The following DPP10 variants were observed in gnomAD, a reference collection of about 807,000 sequenced individuals.
DPP10 encodes dipeptidyl peptidase like 10, also known as inactive dipeptidyl peptidase 10.
Under a neutral mutation model 120.9 loss-of-function variants are expected in DPP10, and 33 were observed. That is an observed-to-expected ratio of 0.27 (90% CI 0.21 to 0.37). The LOEUF (loss-of-function observed/expected upper bound fraction) is 0.37. Among genes scored for constraint, DPP10 ranks in the 10% least tolerant of loss-of-function variants. The pLI is 1.00. For missense variants in DPP10, 816 were observed against 942.8 expected, an observed-to-expected ratio of 0.87 and a Z score of 1.76; for synonymous variants, 337 against 326.1, an observed-to-expected ratio of 1.03 and a Z score of -0.36.
At chr2:114,971,722 T>C (rs146937930) in intron 1 of DPP10, among the ~76,000 whole-genome samples, 1 of 83,980 alleles carries the variant, frequency 1.2e-5, no homozygotes, top group Admixed American at 1.1e-4. Context: ...AACCAAAATA[T>C]GAGATTAATT....
chr2:114,778,302 T>G (rs1471522597), intron 1 of DPP10, among the ~76,000 whole-genome samples: 1 of 152,154 alleles, frequency 6.6e-6, no homozygotes, highest in Non-Finnish European at 1.5e-5. Context: ...TTTGGCTTAT[T>G]AAAACTCAAG....
chr2:115,616,128 G>A (rs921809762), intron 5 of DPP10, among the ~76,000 whole-genome samples: 1 of 151,914 alleles, frequency 6.6e-6, no homozygotes, highest in African/African-American at 2.4e-5. Context: ...ATTTTATTTC[G>A]GCTATGCCAG....
intron 1 of DPP10, among the ~76,000 whole-genome samples, chr2:114,912,799 A>C (rs992426841): frequency 6.6e-6 from 1 of 152,186 alleles, no homozygotes; most frequent in African/African-American, 2.4e-5. Context: ...AGCAGACTAC[A>C]TGATTCTCAT....
chr2:114,721,129 A>G (rs1423362505), intron 1 of DPP10, among the ~76,000 whole-genome samples: 1 of 152,184 alleles, frequency 6.6e-6, no homozygotes, highest in African/African-American at 2.4e-5. Context: ...GCTTTTCCCT[A>G]TGCTCTGACT....
chr2:114,753,810 G>A (rs2106058848), intron 1 of DPP10, among the ~76,000 whole-genome samples: 1 of 150,114 alleles, frequency 6.7e-6, no homozygotes, highest in Middle Eastern at 3.4e-3. Context: ...TTCAGAGGCT[G>A]AGGCAGGAGA....
intron 3 of DPP10, among the ~76,000 whole-genome samples, chr2:115,451,574 T>A (rs902241121): frequency 6.6e-6 from 1 of 151,920 alleles, no homozygotes; most frequent in Non-Finnish European, 1.5e-5. Flanking sequence ...AGTCACTTAA[T>A]TAAAAGTGTT....
chr2:114,954,379 G>T (rs150545231), intron 1 of DPP10, among the ~76,000 whole-genome samples: 14 of 152,032 alleles, frequency 9.2e-5, no homozygotes, highest in Middle Eastern at 3.4e-3. Context: ...CACAGCGCCC[G>T]GCCAAGAAGG....
intron 1 of DPP10, among the ~76,000 whole-genome samples, chr2:115,243,733 ACTTTT>A (rs1261491280): frequency 6.6e-6 from 1 of 151,576 alleles, no homozygotes; most frequent in Non-Finnish European, 1.5e-5. Context: ...CAAGATGTTG[ACTTTT>A]CTTCTTTTTC....
chr2:114,482,353 ACAT>A (rs1681136494), intron 1 of DPP10, among the ~76,000 whole-genome samples: 1 of 152,184 alleles, frequency 6.6e-6, no homozygotes, highest in Non-Finnish European at 1.5e-5. Flanking sequence ...ATTTATTAAA[ACAT>A]CATAAAGATA....
intron 1 of DPP10, among the ~76,000 whole-genome samples, chr2:114,795,492 T>TG (rs1216177156): frequency 6.7e-6 from 1 of 149,550 alleles, no homozygotes; most frequent in Non-Finnish European, 1.5e-5. Context: ...ACGTCATCTC[T>TG]GGGGAAAAAA....
chr2:115,530,976 A>G (rs926958100), intron 5 of DPP10, among the ~76,000 whole-genome samples: 4 of 152,078 alleles, frequency 2.6e-5, no homozygotes, highest in African/African-American at 9.7e-5. Flanking sequence ...CATTAGAAAT[A>G]AAAATAAAAA....
intron 1 of DPP10, among the ~76,000 whole-genome samples, chr2:115,198,516 G>C (rs2055451471): frequency 1.3e-5 from 2 of 152,114 alleles, no homozygotes; most frequent in African/African-American, 4.8e-5. Flanking sequence ...ACATGCATTT[G>C]CCTTTGCTGT....
intron 4 of DPP10, among the ~76,000 whole-genome samples, chr2:115,521,165 A>G (rs548863120): frequency 1.3e-5 from 2 of 152,334 alleles, no homozygotes; most frequent in South Asian, 2.1e-4. Context: ...AAGGTACAAG[A>G]AAAAGAAAAC....
At chr2:115,696,468 CA>C (rs1294538005) in intron 7 of DPP10, among the ~76,000 whole-genome samples, 1 of 152,052 alleles carries the variant, frequency 6.6e-6, no homozygotes. Flanking sequence ...AAAAGAAAAA[CA>C]AAACAAATCA....
chr2:115,088,434 C>CT (rs1360865091), intron 1 of DPP10, among the ~76,000 whole-genome samples: 2 of 152,056 alleles, frequency 1.3e-5, no homozygotes, highest in Non-Finnish European at 2.9e-5. Context: ...AACAACTTTT[C>CT]TTTTTTTCTT....
At chr2:115,466,747 G>A (rs1377106111) in intron 3 of DPP10, among the ~76,000 whole-genome samples, 2 of 152,120 alleles carry the variant, frequency 1.3e-5, no homozygotes, top group Non-Finnish European at 2.9e-5. Context: ...CAGAAATGTA[G>A]TTCTATATTG....
intron 1 of DPP10, among the ~76,000 whole-genome samples, chr2:114,727,202 AT>A (rs1676409849): frequency 6.6e-6 from 1 of 152,174 alleles, no homozygotes; most frequent in Admixed American, 6.5e-5. Context: ...TTAAGCAGGA[AT>A]TCTGGGAGCA....
chr2:115,031,168 G>A (rs906278647), intron 1 of DPP10, among the ~76,000 whole-genome samples: 18 of 151,650 alleles, frequency 1.2e-4, no homozygotes, highest in Non-Finnish European at 1.3e-4. Flanking sequence ...TTTTCCTCAG[G>A]AAAAATATTT....
chr2:115,705,431 G>A (rs1419662145), intron 7 of DPP10, among the ~76,000 whole-genome samples: 1 of 151,856 alleles, frequency 6.6e-6, no homozygotes, highest in African/African-American at 2.4e-5. Context: ...ACACGTTACT[G>A]CTGGTGCCAA....
Sources: gnomAD v4.1 joint callset for allele counts (sites outside exome capture counted in the v4.1 genomes callset) on GRCh38, gnomAD v4.1.1 for gene constraint, MANE v1.5 for transcripts, NCBI Gene and HGNC (gene_info 2026-07-23, HGNC 2026-07-21) for gene names.